CTTNBP2: variants seen among roughly 807,000 people sequenced by gnomAD.
CTTNBP2 encodes cortactin-binding protein 2.
A neutral mutation model predicts 156.9 loss-of-function variants in CTTNBP2; 108 were observed. That is an observed-to-expected ratio of 0.69 (90% CI 0.59 to 0.81). The LOEUF is 0.81. CTTNBP2 is among the 30% of genes least tolerant of loss of function. CTTNBP2 has a pLI of 0.00. For synonymous variants in CTTNBP2, 767 were observed against 751.8 expected (o/e 1.02, Z -0.33); for missense variants, 1,924 against 2,035.4 (o/e 0.95, Z 1.05).
Position 117,760,599 on chromosome 7 carries a change from T to C in CTTNBP2, c.3008A>G (p.Gln1003Arg), listed in dbSNP as rs1584957294. ...TTTTGAAAAATCATCCCATGATGTC[T>C]GTTTGCGGATATTTAAAGCACATAT... ...NTICALNIRK[Q>R]TSWDDFSKAV... The change falls in exon 10 of 23, where the codon CAG (glutamine) becomes CGG (arginine). Residue 1003 changes from glutamine to arginine, a missense_variant. By Grantham distance (43) the Gln-to-Arg change is conservative. Transcript: ENST00000160373. 1 of 1,614,180 alleles carries C rather than the reference T, an allele frequency of 6.2e-7. No individual in the cohort carries two copies. Among genetic ancestry groups the C allele is most frequent in the African/African-American group, 1.3e-5 (1 of 75,048 alleles).
chr7:117,744,695 G>A (rs1796224151), intron 14 of CTTNBP2, among the ~76,000 whole-genome samples: 2 of 151,024 alleles, frequency 1.3e-5, no homozygotes, highest in South Asian at 2.1e-4. Context: ...AGACCAGCCT[G>A]AGCAACATGG....
chr7:117,750,337 G>T (rs553803607), intron 12 of CTTNBP2, among the ~76,000 whole-genome samples: 3 of 152,204 alleles, frequency 2.0e-5, no homozygotes, highest in Non-Finnish European at 4.4e-5. Context: ...ACACATGCAG[G>T]AAACATTCAA....
At chr7:117,718,762 A>G (rs1346108496) in intron 21 of CTTNBP2, among the ~76,000 whole-genome samples, 1 of 152,224 alleles carries the variant, frequency 6.6e-6, no homozygotes. Context: ...TCTCATTTGC[A>G]AAGAAAGTTG....
In CTTNBP2 at chr7:117,791,431, A is replaced by T. The variant is rs200602707; in HGVS notation, c.1765T>A (p.Ser589Thr). 1.9e-6 allele frequency: 3 copies of T among 1,614,188 alleles called. No homozygotes were observed. Among genetic ancestry groups the T allele is most frequent in the East Asian group, 4.5e-5 (2 of 44,878 alleles). The stretch of plus-strand genomic sequence containing the variant: ...ACCCTGTTCCCTTGTGGCAAACTGG[A>T]AGGAGTCGAAGCCACAGTTTTGTTA... ...VDNKTVASTP[S>T]SLPQGNRVIN... is the part of the protein sequence containing the mutation. The change falls in exon 4 of 23, where the codon TCC becomes ACC. Residue 589 changes from serine (S) to threonine (T), a missense_variant. Physicochemically the swap from Ser to Thr is moderately conservative, Grantham distance 58 (BLOSUM62 1). Transcript: ENST00000160373.
At chr7:117,800,133 T>C (rs567290902) in intron 3 of CTTNBP2, among the ~76,000 whole-genome samples, 90 of 152,100 alleles carry the variant, frequency 5.9e-4, no homozygotes, top group African/African-American at 2.1e-3. Context: ...GAAGCCAAAT[T>C]GCCTTTAATT....
chr7:117,755,322 T>G, intron 12 of CTTNBP2: 1 of 275,588 alleles, frequency 3.6e-6, no homozygotes, highest in South Asian at 3.4e-5. Flanking sequence ...CTTCTTTTCA[T>G]AAGGCGTGAA....
At chr7:117,832,841 G>C (rs1048269326) in intron 2 of CTTNBP2, among the ~76,000 whole-genome samples, 1 of 150,062 alleles carries the variant, frequency 6.7e-6, no homozygotes, top group East Asian at 2.0e-4. Flanking sequence ...CTGCCTCCTG[G>C]GTTCAAGCAA....
chr7:117,782,893 A>G lies in CTTNBP2; in HGVS notation c.2341T>C (p.Leu781=). Residue 781 remains leucine, a synonymous_variant, in exon 6 of 23, where the codon TTG becomes CTG. Transcript: ENST00000160373. Reference sequence around the variant, plus strand: ...TGTCCCTGAGCAGCTGCAGCACACAAGGGTGTGAAGCCATTTTTATCAGCA... The same window carrying G: ...TGTCCCTGAGCAGCTGCAGCACACAGGGGTGTGAAGCCATTTTTATCAGCA... ...NAADKNGFTP[L]CAAAAQGHFE... The G allele has an allele frequency of 1.2e-6, 2 of 1,613,958 alleles. No individual in the cohort carries two copies. Among genetic ancestry groups the G allele is most frequent in the Non-Finnish European group, 1.7e-6 (2 of 1,179,822 alleles).
intron 1 of CTTNBP2, among the ~76,000 whole-genome samples, chr7:117,867,302 G>A (rs1046733448): frequency 6.6e-6 from 1 of 152,004 alleles, no homozygotes; most frequent in African/African-American, 2.4e-5. Flanking sequence ...TCTTTCTTCA[G>A]CACATAGCTC....
intron 20 of CTTNBP2, among the ~76,000 whole-genome samples, 184 bp downstream of exon 20, chr7:117,720,883 A>G (rs1294768718): frequency 6.6e-6 from 1 of 152,218 alleles, no homozygotes; most frequent in Non-Finnish European, 1.5e-5. Context: ...AACAATTTAG[A>G]CGTTATCCAA....
chr7:117,750,563 G>T (rs1162450477), intron 12 of CTTNBP2, among the ~76,000 whole-genome samples: 1 of 151,954 alleles, frequency 6.6e-6, no homozygotes, highest in Non-Finnish European at 1.5e-5. Context: ...ACCAATTTTT[G>T]GTAAATGGTA....
intron 11 of CTTNBP2, 90 bp from the exon 12 acceptor site, chr7:117,756,724 T>A (rs1796905991): frequency 4.4e-6 from 4 of 918,026 alleles, no homozygotes; most frequent in Non-Finnish European, 7.2e-6. Context: ...AGAAGATGAA[T>A]GTGTTTGTTG....
At chr7:117,722,993 A>G (rs1273102119) in intron 19 of CTTNBP2, among the ~76,000 whole-genome samples, 1 of 152,194 alleles carries the variant, frequency 6.6e-6, no homozygotes, top group African/African-American at 2.4e-5. Flanking sequence ...GAAAGGACTA[A>G]GAGCAAATGA....
At chr7:117,729,159 C>T (rs1423607263) in intron 16 of CTTNBP2, among the ~76,000 whole-genome samples, 1 of 152,212 alleles carries the variant, frequency 6.6e-6, no homozygotes, top group African/African-American at 2.4e-5. Flanking sequence ...GCTTCTAAAG[C>T]TCAGACTGTT....
At position 117,735,189 on chromosome 7, in the gene CTTNBP2, A is replaced by G. The variant is rs774932481; in HGVS notation, c.3688+80T>C. The G allele has an allele frequency of 1.2e-4, 195 of 1,589,296 alleles. No homozygotes were observed. In the Middle Eastern group the frequency reaches 3.0e-3, roughly 24 times the overall value. The stretch of plus-strand genomic sequence containing the variant: ...TAAAATAACGTAAAGAACATGAAGT[A>G]TAACTGGTACTCTGGGAAACAGAAA... On this transcript the variant is annotated intron_variant, in intron 15 of 22. Coordinates refer to ENST00000160373, the MANE Select transcript of CTTNBP2 (RefSeq NM_033427.3).
At position 117,792,805 on chromosome 7, in the gene CTTNBP2, C is replaced by G. The variant is rs934965105; in HGVS notation, c.415-24G>C. The stretch of plus-strand genomic sequence containing the variant: ...AGCTGAAAGAAATTCACAGGAAAAC[C>G]CTGATTAATATACAGAATTTTCTTT... On this transcript the variant is annotated intron_variant, in intron 3 of 22. Coordinates refer to ENST00000160373, the MANE Select transcript of CTTNBP2 (RefSeq NM_033427.3). The surrounding 1 kb of genome is among the most constrained non-coding windows in gnomAD (Gnocchi z 4.2). 2 of 1,476,456 alleles carry G rather than the reference C, an allele frequency of 1.4e-6. No homozygotes were observed. Among genetic ancestry groups the G allele is most frequent in the East Asian group, 2.3e-5 (1 of 43,196 alleles). The allele number at this position is 1,476,456 out of a possible 1,614,324, so 91.5% of individuals were successfully genotyped here.
At chr7:117,753,166 T>G (rs1796706928) in intron 12 of CTTNBP2, among the ~76,000 whole-genome samples, 1 of 152,160 alleles carries the variant, frequency 6.6e-6, no homozygotes, top group African/African-American at 2.4e-5. Flanking sequence ...TCAACATCAC[T>G]GATCATTAGA....
chr7:117,841,970 G>C (rs2117138889), intron 2 of CTTNBP2, among the ~76,000 whole-genome samples: 1 of 152,280 alleles, frequency 6.6e-6, no homozygotes, highest in Admixed American at 6.5e-5. Context: ...AGAAAAAGCA[G>C]TTCCCTGGCT....
Position 117,728,217 on chromosome 7 carries a change from G to C in CTTNBP2, c.3927C>G (p.Asp1309Glu), listed in dbSNP as rs937164514. The change falls in exon 17 of 23, where the codon GAC becomes GAG. Residue 1309 changes from aspartate (D) to glutamate (E), a missense_variant. By Grantham distance (45) the Asp-to-Glu change is conservative (BLOSUM62 2). Coordinates refer to ENST00000160373, the MANE Select transcript of CTTNBP2 (RefSeq NM_033427.3). ...GCTGACGCCAGACGGACAGAGCCCA[G>C]TCGACAATCTTGCACACAGGATCGC... ...SPCDPVCKIV[D>E]WALSVWRQLN... is the part of the protein sequence containing the mutation. The C allele has an allele frequency of 4.3e-6, 7 of 1,614,178 alleles. 1 individual carries two copies. Among genetic ancestry groups the C allele is most frequent in the Non-Finnish European group, 5.1e-6 (6 of 1,180,002 alleles).
Sources: gnomAD v4.1 joint callset for allele counts (sites outside exome capture counted in the v4.1 genomes callset) on GRCh38, gnomAD v4.1.1 for gene constraint, Gnocchi (gnomAD v3.1) non-coding constraint, MANE v1.5 for transcripts, NCBI Gene and HGNC (gene_info 2026-07-23, HGNC 2026-07-21) for gene names.